The following ADAP2 variants were observed in gnomAD, a reference collection of about 807,000 sequenced individuals.
ADAP2 encodes ArfGAP with dual PH domains 2, also known as arf-GAP with dual PH domain-containing protein 2.
ADAP2 carries 42 observed loss-of-function variants against 54.9 expected under a neutral mutation model. That is an observed-to-expected ratio of 0.77 (90% CI 0.60 to 0.99). ADAP2 has a LOEUF of 0.99. Ranked by LOEUF, ADAP2 falls within the 50% of genes least tolerant of loss-of-function variation. ADAP2 has a pLI of 0.00. For missense variants in ADAP2, 429 were observed against 480.4 expected (o/e 0.89, Z 1.00); for synonymous variants, 177 against 180.1 (o/e 0.98, Z 0.14).
At chr17:30,954,444 G>A in intron 8 of ADAP2, 34 bp from the exon 9 acceptor site, 1 of 1,598,572 alleles carries the variant, frequency 6.3e-7, no homozygotes, top group Non-Finnish European at 8.6e-7. Context: ...AAACTGACCT[G>A]GTCATCTGTG....
intron 6 of ADAP2, 48 bp from the exon 7 acceptor site, chr17:30,949,239 C>A: frequency 6.5e-7 from 1 of 1,536,478 alleles, no homozygotes; most frequent in Non-Finnish European, 9.0e-7. Flanking sequence ...GCTTCCCACC[C>A]ACCCCATCTC....
At chr17:30,944,543 T>C (rs1048684661) in intron 5 of ADAP2, among the ~76,000 whole-genome samples, 4 of 152,160 alleles carry the variant, frequency 2.6e-5, no homozygotes, top group African/African-American at 4.8e-5. Flanking sequence ...CACTGCAACC[T>C]CCACCTCCCA....
intron 5 of ADAP2, among the ~76,000 whole-genome samples, chr17:30,941,932 A>G (rs911808449): frequency 2.7e-5 from 4 of 150,776 alleles, no homozygotes; most frequent in African/African-American, 4.9e-5. Flanking sequence ...TTCGAGATGG[A>G]GTCTTGCTCT....
chr17:30,939,640 A>G (rs941697257), intron 5 of ADAP2, among the ~76,000 whole-genome samples: 4 of 151,884 alleles, frequency 2.6e-5, no homozygotes, highest in African/African-American at 9.7e-5. Context: ...GCGTGGTGGC[A>G]GGCGCCTGTA....
intron 10 of ADAP2, 139 bp from the exon 11 acceptor site, chr17:30,957,696 G>T (rs1032300812): frequency 7.9e-6 from 6 of 758,344 alleles, no homozygotes; most frequent in African/African-American, 6.9e-5. Flanking sequence ...CTCCCAAAGT[G>T]CTGGGATTAC....
rs115117204 is a variant in ADAP2, at chr17:30,935,756, G to A, written c.510+1459G>A. ...CGACTTAACCATAAGCTGCAACCCT[G>A]GCCCTGAGCTAGAAGTGTGTTTGGT... On this transcript the variant is annotated intron_variant, in intron 5 of 10. Transcript: ENST00000330889. 9.4e-3 allele frequency among the ~76,000 whole-genome samples: 1,429 copies of A among 152,226 alleles called. 21 individuals are homozygous for A. Among genetic ancestry groups the A allele is most frequent in the African/African-American group, 0.032 (1,326 of 41,528 alleles).
chr17:30,929,843 C>T (rs971314232), intron 3 of ADAP2, among the ~76,000 whole-genome samples: 3 of 152,148 alleles, frequency 2.0e-5, no homozygotes, highest in African/African-American at 7.2e-5. Flanking sequence ...ACTACAGGTG[C>T]ATGCCACCAT....
intron 9 of ADAP2, 139 bp from the exon 10 acceptor site, chr17:30,956,102 A>C (rs769109054): frequency 1.8e-5 from 12 of 673,840 alleles, no homozygotes; most frequent in Non-Finnish European, 2.8e-5. Context: ...TGATCTTTCA[A>C]ATTCTGGGTC....
chr17:30,956,449 T>TGACGCCCCTC lies in ADAP2; in HGVS notation c.1092_1101dup (p.Asn368AspfsTer21). The TGACGCCCCTC allele has an allele frequency of 1.9e-6, 3 of 1,614,188 alleles. No individual in the cohort carries two copies. Among genetic ancestry groups the TGACGCCCCTC allele is most frequent in the Non-Finnish European group, 2.5e-6 (3 of 1,180,014 alleles). On this transcript the variant is annotated frameshift_variant, in exon 10 of 11. Coordinates refer to ENST00000330889, the MANE Select transcript of ADAP2 (RefSeq NM_018404.3). LOFTEE classifies it high-confidence loss of function. ...TTGCGGGGTGTCCTGTCCAGCCCCT[T>TGACGCCCCTC]GACGCCCCTCAACCGGCTTAGTAAG... is the stretch of plus-strand genomic sequence containing the variant.
intron 3 of ADAP2, among the ~76,000 whole-genome samples, chr17:30,930,697 G>A (rs73989920): frequency 0.064 from 9,732 of 152,200 alleles, 884 homozygotes; most frequent in African/African-American, 0.2. Flanking sequence ...TGACCAGGTT[G>A]GGCCAGATGC....
At chr17:30,945,911 T>A (rs1268670833) in intron 6 of ADAP2, among the ~76,000 whole-genome samples, 1 of 146,070 alleles carries the variant, frequency 6.8e-6, no homozygotes, top group East Asian at 2.0e-4. Context: ...CCCAGCACTT[T>A]GGGAGGCCGA....
At chr17:30,931,240 T>C (rs1486479235) in intron 3 of ADAP2, among the ~76,000 whole-genome samples, 5 of 152,092 alleles carry the variant, frequency 3.3e-5, no homozygotes. Context: ...TTGGAACAAC[T>C]CGGTGGTTCT....
rs1910759192 is a variant in ADAP2, at chr17:30,923,061, T to C, written c.216T>C (p.Ser72=). 5 of 1,613,284 alleles carry C rather than the reference T, an allele frequency of 3.1e-6. No homozygotes were observed. Among genetic ancestry groups the C allele is most frequent in the Non-Finnish European group, 4.2e-6 (5 of 1,179,844 alleles). ...TGCGACTTGACTTCTGGGACGACAG[T>C]ATTGTGGAGGTAGAAAGGCATGCCC... The part of the protein sequence containing the change: ...KSVRLDFWDD[S]IVEFMIHNGN... The change falls in exon 2 of 11, where the codon AGT becomes AGC. Residue 72 remains serine (S), a synonymous_variant. Coordinates refer to ENST00000330889, the MANE Select transcript of ADAP2 (RefSeq NM_018404.3).
intron 2 of ADAP2, among the ~76,000 whole-genome samples, chr17:30,926,393 C>T (rs1288733673): frequency 6.6e-6 from 1 of 152,180 alleles, no homozygotes; most frequent in African/African-American, 2.4e-5. Context: ...TTATCTCCTG[C>T]AGACTTTCAG....
intron 10 of ADAP2, 83 bp from the exon 11 acceptor site, chr17:30,957,752 C>T (rs1256823613): frequency 2.9e-5 from 40 of 1,391,764 alleles, no homozygotes; most frequent in East Asian, 7.1e-5. Context: ...TGTCTTTGTA[C>T]GCCTGTCCCT....
At chr17:30,947,349 T>C (rs766345252) in intron 6 of ADAP2, among the ~76,000 whole-genome samples, 63 of 152,060 alleles carry the variant, frequency 4.1e-4, no homozygotes, top group Non-Finnish European at 7.1e-4. Context: ...TCCCTTAGTG[T>C]CTGAGACCTA....
intron 7 of ADAP2, among the ~76,000 whole-genome samples, chr17:30,951,127 G>A (rs982070513): frequency 1.3e-5 from 2 of 152,194 alleles, no homozygotes; most frequent in African/African-American, 4.8e-5. Flanking sequence ...CTGTGGTCCT[G>A]TAATAAATGC....
intron 5 of ADAP2, among the ~76,000 whole-genome samples, chr17:30,944,461 ACT>A (rs1912503800): frequency 1.3e-5 from 2 of 151,980 alleles, no homozygotes; most frequent in South Asian, 4.1e-4. Context: ...ACATAGCGAA[ACT>A]CTGTCTCTAC....
At chr17:30,953,786 C>T (rs894104485) in intron 8 of ADAP2, among the ~76,000 whole-genome samples, 1 of 152,170 alleles carries the variant, frequency 6.6e-6, no homozygotes, top group Non-Finnish European at 1.5e-5. Context: ...ATCTGCCCAC[C>T]TCAGCCTCCC....
Sources: allele counts gnomAD v4.1 joint callset (sites outside exome capture counted in the v4.1 genomes callset), GRCh38; gene constraint gnomAD v4.1.1; transcripts MANE v1.5; gene names NCBI Gene and HGNC (gene_info 2026-07-23, HGNC 2026-07-21).